ZBTB41: variants seen among roughly 807,000 people sequenced by gnomAD.
ZBTB41 encodes the protein zinc finger and BTB domain containing 41.
Under a neutral mutation model 87.6 loss-of-function variants are expected in ZBTB41, and 42 were observed. The observed-to-expected ratio is 0.48, with a 90% confidence interval of 0.37 to 0.62. ZBTB41 has a LOEUF of 0.62. Among genes scored for constraint, ZBTB41 ranks in the 20% least tolerant of loss-of-function variants. The probability of loss-of-function intolerance (pLI) is 0.00; values close to 1 mark genes in which losing one functional copy is unlikely to be tolerated. For missense variants in ZBTB41, 799 were observed against 1,078.9 expected (o/e 0.74, Z 3.63); for synonymous variants, 364 against 364.0 (o/e 1.00, Z 0.00).
At chr1:197,179,091 T>C (rs974264928) in intron 6 of ZBTB41, among the ~76,000 whole-genome samples, 6 of 152,132 alleles carry the variant, frequency 3.9e-5, no homozygotes, top group African/African-American at 7.2e-5. Context: ...TAGCAATTCC[T>C]ACAGTTCTAA....
chr1:197,166,087 T>G (rs1659337714), intron 10 of ZBTB41, among the ~76,000 whole-genome samples: 1 of 152,114 alleles, frequency 6.6e-6, no homozygotes, highest in Non-Finnish European at 1.5e-5. Flanking sequence ...AAATACCTGA[T>G]GTAGGTGACG....
intron 10 of ZBTB41, among the ~76,000 whole-genome samples, chr1:197,161,745 T>G (rs1659204914): frequency 6.6e-6 from 1 of 151,264 alleles, no homozygotes; most frequent in African/African-American, 2.4e-5. Flanking sequence ...CAGAGGAGAG[T>G]GCTTTGAAAA....
intron 10 of ZBTB41, among the ~76,000 whole-genome samples, chr1:197,162,843 G>A (rs1344984629): frequency 6.6e-6 from 1 of 152,166 alleles, no homozygotes; most frequent in East Asian, 1.9e-4. Flanking sequence ...AAATCTCATT[G>A]GAATGGGAAG....
Position 197,199,530 on chromosome 1 carries a change from T to A in ZBTB41, c.944A>T (p.Asp315Val). The A allele has an allele frequency of 6.2e-7, 1 of 1,610,810 alleles. No homozygotes were observed. Among genetic ancestry groups the A allele is most frequent in the East Asian group, 2.2e-5 (1 of 44,860 alleles). The change falls in exon 2 of 11, where the codon GAT becomes GTT. Residue 315 changes from aspartate to valine, a missense_variant. Asp to Val is a radical substitution (Grantham distance 152, BLOSUM62 -3). This residue lies in a region of ZBTB41 where 294 missense variants were observed against 340.1 expected (regional missense o/e 0.86). Transcript: ENST00000367405. ...EEDELEEEMS[D>V]EYSDIEEQSE... Reference sequence around the variant, plus strand: ...TTGTTCTTCAATGTCAGAGTACTCATCTGACATCTCCTCCTCTAGCTCATC... The same window carrying A: ...TTGTTCTTCAATGTCAGAGTACTCAACTGACATCTCCTCCTCTAGCTCATC...
At chr1:197,165,348 G>A (rs977969399) in intron 10 of ZBTB41, among the ~76,000 whole-genome samples, 1 of 152,062 alleles carries the variant, frequency 6.6e-6, no homozygotes, top group Non-Finnish European at 1.5e-5. Flanking sequence ...GGTGGCTCAT[G>A]CCTGTAATGC....
chr1:197,196,313 G>A (rs1364782911), intron 2 of ZBTB41, among the ~76,000 whole-genome samples: 2 of 152,040 alleles, frequency 1.3e-5, no homozygotes, highest in East Asian at 1.9e-4. Context: ...GGTAAGAGAG[G>A]ACACTTAAGA....
chr1:197,185,639 C>A (rs1239173599), intron 5 of ZBTB41, among the ~76,000 whole-genome samples: 1 of 149,130 alleles, frequency 6.7e-6, no homozygotes, highest in Non-Finnish European at 1.5e-5. Flanking sequence ...CACAAAAAAA[C>A]ACATTTACAC....
chr1:197,193,823 T>A (rs909489181), intron 2 of ZBTB41, among the ~76,000 whole-genome samples: 6 of 152,232 alleles, frequency 3.9e-5, no homozygotes, highest in Non-Finnish European at 8.8e-5. Context: ...TTAACTCACC[T>A]TTTAAATTAT....
At chr1:197,180,728 A>G (rs560995630) in intron 6 of ZBTB41, among the ~76,000 whole-genome samples, 1 of 150,402 alleles carries the variant, frequency 6.6e-6, no homozygotes. Flanking sequence ...AAAACAAACA[A>G]AAACCCTTAA....
At chr1:197,173,468 C>A (rs1659524372) in intron 9 of ZBTB41, among the ~76,000 whole-genome samples, 1 of 151,996 alleles carries the variant, frequency 6.6e-6, no homozygotes, top group Non-Finnish European at 1.5e-5. Context: ...GCAGCAGCAT[C>A]ATAATAGCTC....
At chr1:197,169,134 A>C (rs2125126317) in intron 10 of ZBTB41, among the ~76,000 whole-genome samples, 1 of 152,180 alleles carries the variant, frequency 6.6e-6, no homozygotes, top group Admixed American at 6.5e-5. Context: ...CTGGTGGTGT[A>C]AACTGACACA....
chr1:197,183,854 T>C (rs1335709343), intron 5 of ZBTB41, among the ~76,000 whole-genome samples: 3 of 152,166 alleles, frequency 2.0e-5, no homozygotes, highest in African/African-American at 7.2e-5. Flanking sequence ...TAACAAGTCA[T>C]AAAAATCTTC....
intron 1 of ZBTB41, among the ~76,000 whole-genome samples, chr1:197,200,912 T>C (rs968868673): frequency 1.3e-5 from 2 of 151,994 alleles, no homozygotes; most frequent in African/African-American, 4.8e-5. Flanking sequence ...GAAGTCGTGG[T>C]TTAGGGGTGC....
chr1:197,170,590 T>TGA (rs988957300), intron 10 of ZBTB41, among the ~76,000 whole-genome samples: 4 of 152,160 alleles, frequency 2.6e-5, no homozygotes, highest in African/African-American at 9.6e-5. Context: ...ATTGAGTCTC[T>TGA]GAACCTATAA....
intron 10 of ZBTB41, among the ~76,000 whole-genome samples, chr1:197,161,434 T>C (rs988398938): frequency 6.6e-5 from 10 of 150,722 alleles, no homozygotes; most frequent in African/African-American, 2.0e-4. Flanking sequence ...GAATCACTAA[T>C]ATCAAACTAT....
intron 10 of ZBTB41, among the ~76,000 whole-genome samples, chr1:197,160,972 G>A (rs993933559): frequency 2.0e-5 from 3 of 152,000 alleles, no homozygotes; most frequent in Non-Finnish European, 4.4e-5. Flanking sequence ...GGAATGCTGC[G>A]GCCACTATAA....
Position 197,200,026 on chromosome 1 carries a change from C to T in ZBTB41, c.448G>A (p.Val150Met), listed in dbSNP as rs141607327. The T allele has an allele frequency of 6.2e-7, 1 of 1,612,702 alleles. No homozygotes were observed. The highest frequency in any genetic ancestry group is 1.3e-5 in the African/African-American group (1 of 74,794). ...ACAAGAGGTATTTCATATTTGTACA[C>T]AAAAAATTCTGATGTGTAAAGAAAT... is the stretch of plus-strand genomic sequence containing the variant. ...LEFLYTSEFFVYKYEIPLVLE... is the reference protein window; with the variant it reads ...LEFLYTSEFFMYKYEIPLVLE... Residue 150 changes from valine to methionine, a missense_variant, in exon 2 of 11, where the codon GTG becomes ATG. Physicochemically the swap from Val to Met is conservative, Grantham distance 21 (BLOSUM62 1). This residue lies in a region of ZBTB41 where 59 missense variants were observed against 120.1 expected (regional missense o/e 0.49). Coordinates refer to ENST00000367405, the MANE Select transcript of ZBTB41 (RefSeq NM_194314.3).
rs746611463 is a variant in ZBTB41 at position 197,199,758 on chromosome 1, T to C, written c.716A>G (p.His239Arg). 3 of 1,613,328 alleles carry C rather than the reference T, an allele frequency of 1.9e-6. No individual in the cohort carries two copies. The highest frequency in any genetic ancestry group is 1.3e-5 in the African/African-American group (1 of 74,964). ...ACTTCTCTCCAGCATTTTTAACCCA[T>C]GTTTTTTCCCTAATAAAAGGGACCT... ...THRSLLLGKK[H>R]GLKMLERSFS... Residue 239 changes from histidine to arginine, a missense_variant, in exon 2 of 11, where the codon CAT becomes CGT. Transcript: ENST00000367405.
intron 2 of ZBTB41, among the ~76,000 whole-genome samples, chr1:197,194,632 AAG>A (rs1491166874): frequency 1.9e-4 from 25 of 130,040 alleles, no homozygotes; most frequent in South Asian, 5.2e-4. Flanking sequence ...AAAAAAAAAA[AAG>A]AAGAAGAAGA....
Sources: gnomAD v4.1 joint callset for allele counts (sites outside exome capture counted in the v4.1 genomes callset) on GRCh38, gnomAD v4.1.1 for gene constraint, gnomAD v4.1.1 regional missense constraint, MANE v1.5 for transcripts, NCBI Gene and HGNC (gene_info 2026-07-23, HGNC 2026-07-21) for gene names.